ST18: variants seen among roughly 807,000 people sequenced by gnomAD.
The protein encoded by ST18 is suppression of tumorigenicity 18 protein.
In ST18, 50 loss-of-function variants were observed where a neutral mutation model predicts 110.0. That is an observed-to-expected ratio of 0.45 (90% CI 0.36 to 0.58). The LOEUF is 0.58. ST18 is among the 20% of genes least tolerant of loss of function. The pLI is 0.00. For synonymous variants in ST18, 461 were observed against 452.4 expected, an observed-to-expected ratio of 1.02 and a Z score of -0.24; for missense variants, 1,306 against 1,280.1, an observed-to-expected ratio of 1.02 and a Z score of -0.31.
chr8:52,271,895 T>A (rs1415088938), intron 2 of ST18, among the ~76,000 whole-genome samples: 1 of 152,200 alleles, frequency 6.6e-6, no homozygotes, highest in Non-Finnish European at 1.5e-5. Flanking sequence ...AAACTTAGGT[T>A]TATATATTTC....
At chr8:52,150,099 C>T in intron 15 of ST18, 122 bp from the exon 16 acceptor site, 1 of 1,351,064 alleles carries the variant, frequency 7.4e-7, no homozygotes, top group Non-Finnish European at 1.0e-6. Context: ...GCTTTTAAAT[C>T]TAGCTTTCTG....
intron 8 of ST18, among the ~76,000 whole-genome samples, chr8:52,196,238 G>A (rs900901225): frequency 2.6e-5 from 4 of 152,330 alleles, no homozygotes; most frequent in Middle Eastern, 3.4e-3. Flanking sequence ...TCCTGGGTCA[G>A]TGGAGGAACC....
intron 9 of ST18, among the ~76,000 whole-genome samples, chr8:52,176,107 C>T (rs1341796150): frequency 6.6e-5 from 10 of 152,060 alleles, no homozygotes; most frequent in South Asian, 2.1e-4. Flanking sequence ...CTGCAACCTC[C>T]GCCTCCCAGG....
At chr8:52,226,738 C>A (rs1484968642) in intron 3 of ST18, among the ~76,000 whole-genome samples, 1 of 152,122 alleles carries the variant, frequency 6.6e-6, no homozygotes, top group African/African-American at 2.4e-5. Flanking sequence ...TACTAAACAA[C>A]CTGATAATGT....
At chr8:52,225,330 C>T (rs1386690361) in intron 3 of ST18, among the ~76,000 whole-genome samples, 1 of 152,134 alleles carries the variant, frequency 6.6e-6, no homozygotes, top group African/African-American at 2.4e-5. Flanking sequence ...AATTCTAACA[C>T]CTTGTGGGAA....
At chr8:52,274,285 A>T (rs923492180) in intron 2 of ST18, among the ~76,000 whole-genome samples, 2 of 152,212 alleles carry the variant, frequency 1.3e-5, no homozygotes, top group African/African-American at 2.4e-5. Context: ...AGAAGAAAAT[A>T]CATCAAAAAA....
chr8:52,339,146 CT>C (rs1813641066), intron 2 of ST18, among the ~76,000 whole-genome samples: 1 of 152,118 alleles, frequency 6.6e-6, no homozygotes, highest in African/African-American at 2.4e-5. Flanking sequence ...CCCATCCAGG[CT>C]GTGGCAGGGT....
intron 23 of ST18, among the ~76,000 whole-genome samples, chr8:52,121,126 G>T (rs776139134): frequency 8.5e-5 from 13 of 152,264 alleles, no homozygotes; most frequent in Admixed American, 7.9e-4. Context: ...CTGAGTTCTT[G>T]GTTCTGGGAT....
At position 52,212,104 on chromosome 8, in the gene ST18, T is replaced by C. The variant is rs2136000181; in HGVS notation, c.61A>G (p.Met21Val). The change falls in exon 8 of 26, where the codon ATG becomes GTG. Residue 21 changes from methionine (M) to valine (V), a missense_variant. By Grantham distance (21) the Met-to-Val change is conservative (BLOSUM62 1). Coordinates refer to ENST00000689386, the MANE Select transcript of ST18 (RefSeq NM_001352837.2). Reference sequence around the variant, plus strand: ...CTGAGCTCCTGGATTAGTGAATCCATTGGCACTGTTGACAAAAGAAGAAAA... The same window carrying C: ...CTGAGCTCCTGGATTAGTGAATCCACTGGCACTGTTGACAAAAGAAGAAAA... ...RTRSKGTEVP[M>V]DSLIQELSVA... is the part of the protein sequence containing the mutation. 2 of 1,602,098 alleles carry C rather than the reference T, an allele frequency of 1.2e-6. No individual in the cohort carries two copies. Among genetic ancestry groups the C allele is most frequent in the East Asian group, 4.5e-5 (2 of 44,788 alleles).
intron 2 of ST18, chr8:52,406,801 A>G (rs1844679751): frequency 6.6e-6 from 1 of 152,230 alleles, no homozygotes; most frequent in Non-Finnish European, 1.5e-5. Flanking sequence ...GACTAGAACC[A>G]GATGAATTGT....
chr8:52,161,582 T>C lies in ST18; in HGVS notation c.1401-14A>G. 1 of 1,612,440 alleles carries C rather than the reference T, an allele frequency of 6.2e-7. No individual in the cohort carries two copies. The highest frequency in any genetic ancestry group is 8.5e-7 in the Non-Finnish European group (1 of 1,179,334). On this transcript the variant is annotated splice_polypyrimidine_tract_variant and intron_variant, in intron 13 of 25. Transcript: ENST00000689386. ...ACCAAACTTGTCCTGGAGAGGGGGG[T>C]GAAGCAGTTCAAAAGAAATACAATG...
intron 22 of ST18, among the ~76,000 whole-genome samples, chr8:52,128,524 G>A (rs1424144928): frequency 6.6e-6 from 1 of 151,980 alleles, no homozygotes; most frequent in Non-Finnish European, 1.5e-5. Context: ...GGAAAATTTT[G>A]TCACATAGAG....
chr8:52,268,510 T>TCTAA lies in ST18; in HGVS notation c.-464-38434_-464-38433insTTAG, dbSNP rs1554799006. Among the ~76,000 whole-genome samples, 6 of 106,460 alleles carry TCTAA rather than the reference T, an allele frequency of 5.6e-5. No homozygotes were observed. In the East Asian group the frequency reaches 1.5e-3, roughly 26 times the overall value. 69.8% of individuals were successfully genotyped at this position (106,460 alleles called of 152,430 possible). A position where few individuals can be genotyped will look rare whatever the true frequency, so the allele number is the denominator to read the frequency against. On this transcript the variant is annotated intron_variant, in intron 2 of 25. Transcript: ENST00000689386. ...ATCTATCTATCTATCTATCTATCTA[T>TCTAA]TTATCTATCTATCTTACTATCTATC...
At chr8:52,301,546 G>A (rs529030093) in intron 2 of ST18, among the ~76,000 whole-genome samples, 3 of 152,158 alleles carry the variant, frequency 2.0e-5, no homozygotes, top group South Asian at 2.1e-4. Context: ...AACAAGAATC[G>A]ATATTTATTT....
chr8:52,147,291 G>T (rs1024735902), intron 16 of ST18, among the ~76,000 whole-genome samples: 13 of 152,016 alleles, frequency 8.6e-5, no homozygotes, highest in African/African-American at 3.1e-4. Flanking sequence ...TTGAAATTAA[G>T]CAAAAAACAA....
At chr8:52,120,634 C>T (rs1325642047) in intron 23 of ST18, among the ~76,000 whole-genome samples, 1 of 152,130 alleles carries the variant, frequency 6.6e-6, no homozygotes, top group Non-Finnish European at 1.5e-5. Context: ...GGGAGCAGGC[C>T]ATGGGGACAT....
In ST18 at chr8:52,364,140, T is replaced by G. The variant is rs974909512; in HGVS notation, c.-465+45188A>C. Among the ~76,000 whole-genome samples, 14 of 152,240 alleles carry G rather than the reference T, an allele frequency of 9.2e-5. No homozygotes were observed. The East Asian group carries it at 2.7e-3, about 29-fold the overall frequency. ...ACAATTTACCCTCTTCACTAGTTTG[T>G]AAAACAAAGGCTGCAGCAAAGTTTC... On this transcript the variant is annotated intron_variant, in intron 2 of 25. Transcript: ENST00000689386.
At chr8:52,234,370 T>C (rs1188130408) in intron 2 of ST18, among the ~76,000 whole-genome samples, 2 of 152,102 alleles carry the variant, frequency 1.3e-5, no homozygotes, top group African/African-American at 4.8e-5. Context: ...ATTCAAGTGA[T>C]TCTCCTGCCT....
Position 52,142,960 on chromosome 8 carries a change from T to A in ST18, c.2138A>T (p.His713Leu), listed in dbSNP as rs372902206. The A allele has an allele frequency of 3.8e-5, 62 of 1,614,002 alleles. No homozygotes were observed. Among genetic ancestry groups the A allele is most frequent in the Non-Finnish European group, 4.8e-5 (57 of 1,179,976 alleles). Residue 713 changes from histidine (H) to leucine (L), a missense_variant, in exon 17 of 26, where the codon CAT (histidine) becomes CTT (leucine). Physicochemically the swap from His to Leu is moderately conservative, Grantham distance 99 (BLOSUM62 -3). Transcript: ENST00000689386. ...ASIPSPKPKL[H>L]ARDLKKELIT... is the part of the protein sequence containing the mutation. ...TAGTTCCTTTTTGAGATCTCTTGCA[T>A]GAAGCTTGGGTTTAGGGCTTGGTAT... is the stretch of plus-strand genomic sequence containing the variant.
Sources: allele counts gnomAD v4.1 joint callset (sites outside exome capture counted in the v4.1 genomes callset), GRCh38; gene constraint gnomAD v4.1.1; transcripts MANE v1.5; gene names NCBI Gene and HGNC (gene_info 2026-07-23, HGNC 2026-07-21).